Variants in ITPR1 observed in about 807,000 individuals in gnomAD.
ITPR1 encodes the protein inositol 1,4,5-trisphosphate receptor type 1.
In ITPR1, 96 loss-of-function variants were observed where a neutral mutation model predicts 318.4. The observed-to-expected ratio is 0.30, with a 90% CI of 0.26 to 0.36. The LOEUF is 0.36. Among genes scored for constraint, ITPR1 ranks in the 10% least tolerant of loss-of-function variants. ITPR1 has a pLI of 1.00. For synonymous variants in ITPR1, 1,312 were observed against 1,289.9 expected (o/e 1.02, Z -0.37); for missense variants, 2,440 against 3,460.2 (o/e 0.71, Z 7.40).
chr3:4,707,077 G>A (rs1351622857), intron 37 of ITPR1, among the ~76,000 whole-genome samples: 1 of 152,206 alleles, frequency 6.6e-6, no homozygotes. Context: ...TAGAAATGGT[G>A]TAATCTTGGG....
chr3:4,830,705 C>G (rs1015190419), intron 60 of ITPR1, among the ~76,000 whole-genome samples: 2 of 152,134 alleles, frequency 1.3e-5, no homozygotes, highest in African/African-American at 4.8e-5. Context: ...CTAGTGAGAG[C>G]AGTAGACATG....
At chr3:4,817,408 A>T (rs1370612824) in intron 59 of ITPR1, 1 of 152,244 alleles carries the variant, frequency 6.6e-6, no homozygotes, top group Non-Finnish European at 1.5e-5. Flanking sequence ...TATATGTATG[A>T]AAAAGGATGA....
intron 12 of ITPR1, among the ~76,000 whole-genome samples, chr3:4,656,710 C>T (rs2125180875): frequency 6.6e-6 from 1 of 152,294 alleles, no homozygotes; most frequent in Middle Eastern, 3.4e-3. Context: ...GATTTGATTT[C>T]CGTTTCTTGA....
chr3:4,647,990 A>G (rs1475938926), intron 10 of ITPR1, among the ~76,000 whole-genome samples: 2 of 152,070 alleles, frequency 1.3e-5, no homozygotes, highest in African/African-American at 4.8e-5. Context: ...TGTCTCTACT[A>G]AAAAATACAA....
At chr3:4,807,284 A>G (rs1246258405) in intron 55 of ITPR1, among the ~76,000 whole-genome samples, 2 of 152,156 alleles carry the variant, frequency 1.3e-5, no homozygotes, top group African/African-American at 2.4e-5. Context: ...GTTTGATCCT[A>G]TTGCGTTTTC....
intron 33 of ITPR1, among the ~76,000 whole-genome samples, chr3:4,694,459 GA>G (rs2094526804): frequency 6.6e-6 from 1 of 151,716 alleles, no homozygotes; most frequent in Non-Finnish European, 1.5e-5. Context: ...AGGTTATTTT[GA>G]AAAGCTAAAA....
At chr3:4,774,450 T>A (rs908669589) in intron 46 of ITPR1, among the ~76,000 whole-genome samples, 5 of 152,340 alleles carry the variant, frequency 3.3e-5, no homozygotes, top group African/African-American at 1.2e-4. Context: ...ACAGTAAGCA[T>A]GTCGCTTTGG....
chr3:4,612,932 G>C (rs2092222363), intron 4 of ITPR1, among the ~76,000 whole-genome samples: 1 of 152,196 alleles, frequency 6.6e-6, no homozygotes, highest in Non-Finnish European at 1.5e-5. Flanking sequence ...ATGTTTTAAA[G>C]CTGTCTGGAT....
At chr3:4,726,155 G>A (rs763833822) in intron 41 of ITPR1, among the ~76,000 whole-genome samples, 25 of 151,908 alleles carry the variant, frequency 1.6e-4, no homozygotes, top group Non-Finnish European at 2.8e-4. Context: ...TCAGCCTCCC[G>A]GGTAGCTGGG....
At chr3:4,828,605 G>A (rs576704798) in intron 60 of ITPR1, among the ~76,000 whole-genome samples, 1 of 152,260 alleles carries the variant, frequency 6.6e-6, no homozygotes, top group South Asian at 2.1e-4. Context: ...ATGGCACCCT[G>A]TGGGTGCCCA....
At chr3:4,686,768 C>T (rs894941353) in intron 30 of ITPR1, among the ~76,000 whole-genome samples, 3 of 152,250 alleles carry the variant, frequency 2.0e-5, no homozygotes, top group Non-Finnish European at 4.4e-5. Flanking sequence ...ATCCGCTTCA[C>T]ACCACAAGGG....
rs1392634616 is a variant in ITPR1, at chr3:4,710,773, A to G, written c.4991+300A>G. Among the ~76,000 whole-genome samples, 2 of 152,212 alleles carry G rather than the reference A, an allele frequency of 1.3e-5. No individual in the cohort carries two copies. Among genetic ancestry groups the G allele is most frequent in the African/African-American group, 4.8e-5 (2 of 41,452 alleles). On this transcript the variant is annotated intron_variant, in intron 38 of 61. Transcript: ENST00000649015. This position sits in a 1 kb window ranked among gnomAD's most constrained non-coding sequence, Gnocchi z 4.2. Reference sequence around the variant, plus strand: ...CCGTGTGCTGTGGTACAGACATAAAAAAGCCATGATCCCTCAGCCCTCAGA... The same window carrying G: ...CCGTGTGCTGTGGTACAGACATAAAGAAGCCATGATCCCTCAGCCCTCAGA...
At chr3:4,722,847 G>T (rs1265728052) in intron 40 of ITPR1, among the ~76,000 whole-genome samples, 2 of 152,170 alleles carry the variant, frequency 1.3e-5, no homozygotes, top group Non-Finnish European at 2.9e-5. Flanking sequence ...TAGTTAGAAG[G>T]AATCCTAAAG....
intron 54 of ITPR1, among the ~76,000 whole-genome samples, chr3:4,805,589 T>TC (rs150275984): frequency 4.0e-4 from 61 of 152,250 alleles, no homozygotes; most frequent in African/African-American, 1.4e-3. Flanking sequence ...ATATTTTTTT[T>TC]CCCCCAAGAA....
intron 45 of ITPR1, among the ~76,000 whole-genome samples, chr3:4,767,335 C>G (rs564407948): frequency 1.3e-5 from 2 of 152,364 alleles, no homozygotes; most frequent in Middle Eastern, 6.8e-3. Flanking sequence ...CCAGTAGATG[C>G]CAGCAGCATA....
chr3:4,785,295 C>T (rs2047110860), intron 51 of ITPR1, among the ~76,000 whole-genome samples: 1 of 152,222 alleles, frequency 6.6e-6, no homozygotes, highest in African/African-American at 2.4e-5. Flanking sequence ...TGTACCTGCA[C>T]TGTCTTTCAG....
At chr3:4,632,133 A>C (rs1310848701) in intron 5 of ITPR1, among the ~76,000 whole-genome samples, 1 of 152,140 alleles carries the variant, frequency 6.6e-6, no homozygotes, top group Non-Finnish European at 1.5e-5. Context: ...TAATCTCCTC[A>C]AAGTCTGTGC....
chr3:4,821,416 C>T (rs1202369429), intron 60 of ITPR1, among the ~76,000 whole-genome samples: 1 of 152,220 alleles, frequency 6.6e-6, no homozygotes, highest in Non-Finnish European at 1.5e-5. Context: ...CAGGGAGGAG[C>T]CCAGCTGCCC....
intron 4 of ITPR1, among the ~76,000 whole-genome samples, chr3:4,542,651 A>G (rs1012387573): frequency 7.4e-6 from 1 of 134,828 alleles, no homozygotes; most frequent in African/African-American, 2.7e-5. Flanking sequence ...GTTGTTCACC[A>G]TTGCATTGAA....
Sources: gnomAD v4.1 joint callset for allele counts (sites outside exome capture counted in the v4.1 genomes callset) on GRCh38, gnomAD v4.1.1 for gene constraint, Gnocchi (gnomAD v3.1) non-coding constraint, MANE v1.5 for transcripts, NCBI Gene and HGNC (gene_info 2026-07-23, HGNC 2026-07-21) for gene names.